The following COMMD1 variants were observed in gnomAD, a reference collection of about 807,000 sequenced individuals.
COMMD1 encodes the protein copper metabolism domain containing 1.
Under a neutral mutation model 17.2 loss-of-function variants are expected in COMMD1, and 10 were observed. That is an observed-to-expected ratio of 0.58 (90% CI 0.36 to 0.99). COMMD1 has a LOEUF of 0.99. Ranked by LOEUF, COMMD1 falls within the 50% of genes least tolerant of loss-of-function variation. The probability of loss-of-function intolerance (pLI) is 0.01; values close to 1 mark genes in which losing one functional copy is unlikely to be tolerated. For synonymous variants in COMMD1, 97 were observed against 91.6 expected (o/e 1.06, Z -0.34); for missense variants, 270 against 231.8 (o/e 1.17, Z -1.07).
chr2:62,073,272 C>T (rs1047166375), intron 2 of COMMD1, among the ~76,000 whole-genome samples: 1 of 152,176 alleles, frequency 6.6e-6, no homozygotes, highest in Non-Finnish European at 1.5e-5. Flanking sequence ...TAGGCCTTTC[C>T]TGCATCTAGG....
At chr2:61,932,543 A>G (rs1670496951) in intron 1 of COMMD1, among the ~76,000 whole-genome samples, 1 of 152,314 alleles carries the variant, frequency 6.6e-6, no homozygotes, top group South Asian at 2.1e-4. Context: ...AATAAGTGCT[A>G]TGGTTTGAGT....
chr2:61,947,419 AT>A (rs1297455983), intron 1 of COMMD1, among the ~76,000 whole-genome samples: 1 of 152,106 alleles, frequency 6.6e-6, no homozygotes, highest in Non-Finnish European at 1.5e-5. Context: ...GCGGTGGCTT[AT>A]GCCTGTAATC....
At chr2:61,921,346 C>T (rs1309597881) in intron 1 of COMMD1, among the ~76,000 whole-genome samples, 1 of 152,106 alleles carries the variant, frequency 6.6e-6, no homozygotes, top group Non-Finnish European at 1.5e-5. Flanking sequence ...GTGTTAAATT[C>T]TTGGCTTTAG....
At chr2:61,908,859 G>A (rs1471292242) in intron 1 of COMMD1, among the ~76,000 whole-genome samples, 1 of 152,134 alleles carries the variant, frequency 6.6e-6, no homozygotes, top group Non-Finnish European at 1.5e-5. Context: ...GAGCCACTGA[G>A]CCCTGCCAAA....
At chr2:61,908,741 TG>T (rs1669834563) in intron 1 of COMMD1, among the ~76,000 whole-genome samples, 1 of 151,132 alleles carries the variant, frequency 6.6e-6, no homozygotes, top group Admixed American at 6.6e-5. Context: ...TTTGTTTTTT[TG>T]TTTTTCAGTA....
chr2:61,935,615 G>C (rs1670587680), intron 1 of COMMD1, among the ~76,000 whole-genome samples: 3 of 151,278 alleles, frequency 2.0e-5, no homozygotes, highest in Non-Finnish European at 1.5e-5. Context: ...CTGGGCGACA[G>C]AGCAAGACTC....
At position 62,004,127 on chromosome 2, in the gene COMMD1, C is replaced by T. The variant is rs566122537; in HGVS notation, c.462+3145C>T. The stretch of plus-strand genomic sequence containing the variant: ...TTGGTGACAGAGTGAGACTGTGTCT[C>T]AGAAAAAAAGAAAAAGAAAAAGAAA... On this transcript the variant is annotated intron_variant, in intron 2 of 2. Transcript: ENST00000311832. Among the ~76,000 whole-genome samples, 78 of 148,824 alleles carry T rather than the reference C, an allele frequency of 5.2e-4. 1 individual carries two copies. Among genetic ancestry groups the T allele is most frequent in the African/African-American group, 1.8e-3 (74 of 40,312 alleles).
Position 61,900,602 on chromosome 2 carries a change from T to C in COMMD1, n.119+11760T>C, listed in dbSNP as rs190024234. Among the ~76,000 whole-genome samples the C allele has an allele frequency of 2.6e-5, 4 of 152,306 alleles. No individual in the cohort carries two copies. The East Asian group carries it at 7.7e-4, about 29-fold the overall frequency. On this transcript the variant is annotated intron_variant and non_coding_transcript_variant, in intron 1 of 2. Coordinates refer to the COMMD1 transcript ENST00000472729. Reference sequence around the variant, plus strand: ...TGTCTAAACTCTAAAAGGGAGGAAGTAGAAGGATGAATGTCTGATCTCTTC... The same window carrying C: ...TGTCTAAACTCTAAAAGGGAGGAAGCAGAAGGATGAATGTCTGATCTCTTC...
intron 1 of COMMD1, among the ~76,000 whole-genome samples, chr2:61,891,133 G>A (rs554767603): frequency 1.3e-5 from 2 of 152,260 alleles, no homozygotes; most frequent in East Asian, 3.9e-4. Context: ...AAATAGGAGG[G>A]TTGAACTAGA....
At chr2:62,010,599 T>C (rs1395998357) in intron 2 of COMMD1, among the ~76,000 whole-genome samples, 1 of 152,202 alleles carries the variant, frequency 6.6e-6, no homozygotes, top group Non-Finnish European at 1.5e-5. Flanking sequence ...ACTAAGTTCC[T>C]CATATATCTC....
At chr2:61,999,417 T>C (rs888627082) in intron 1 of COMMD1, among the ~76,000 whole-genome samples, 1 of 152,218 alleles carries the variant, frequency 6.6e-6, no homozygotes, top group Non-Finnish European at 1.5e-5. Context: ...GCTGTTTGGC[T>C]GAAGATGGGC....
At chr2:61,959,406 C>T (rs997558312) in intron 1 of COMMD1, among the ~76,000 whole-genome samples, 5 of 152,000 alleles carry the variant, frequency 3.3e-5, no homozygotes, top group African/African-American at 1.2e-4. Context: ...GGAAATAATA[C>T]GTGAGTAACA....
At chr2:61,935,964 A>G (rs1203166188) in intron 1 of COMMD1, among the ~76,000 whole-genome samples, 3 of 151,912 alleles carry the variant, frequency 2.0e-5, no homozygotes, top group African/African-American at 7.2e-5. Flanking sequence ...TTACAGGTGC[A>G]TGCCACCATA....
In COMMD1 at chr2:61,993,532, T is replaced by C. The variant is rs1345178307; in HGVS notation, c.181-7169T>C. Among the ~76,000 whole-genome samples the C allele has an allele frequency of 3.3e-5, 5 of 152,354 alleles. No individual in the cohort carries two copies. The East Asian group carries it at 9.6e-4, about 29-fold the overall frequency. On this transcript the variant is annotated intron_variant, in intron 1 of 2. Transcript: ENST00000311832. ...TTAAAATTGTACTTCAGGATTCTAA[T>C]GTGCAGCCAGTGTTGAAAACCACTG...
intron 1 of COMMD1, among the ~76,000 whole-genome samples, chr2:61,894,724 G>A (rs997402183): frequency 6.7e-6 from 1 of 150,298 alleles, no homozygotes; most frequent in Non-Finnish European, 1.5e-5. Flanking sequence ...TTTTGAGATG[G>A]AGTCTCACTC....
At chr2:61,926,327 T>A (rs1187498523) in intron 1 of COMMD1, among the ~76,000 whole-genome samples, 1 of 152,182 alleles carries the variant, frequency 6.6e-6, no homozygotes, top group Non-Finnish European at 1.5e-5. Context: ...ACAAGTAAGA[T>A]TGTCCCCTTT....
intron 1 of COMMD1, among the ~76,000 whole-genome samples, chr2:61,896,024 T>C (rs1219640845): frequency 1.3e-5 from 2 of 152,138 alleles, no homozygotes; most frequent in Admixed American, 6.5e-5. Flanking sequence ...AGGGACCCAA[T>C]AGGAGAAGGC....
chr2:62,050,515 AAAACATTCTCCTTTAT>A (rs1174497163), intron 2 of COMMD1, among the ~76,000 whole-genome samples: 4 of 152,206 alleles, frequency 2.6e-5, no homozygotes, highest in African/African-American at 9.6e-5. Flanking sequence ...AAAGGGAAGA[AAAACATTCTCCTTTAT>A]AGTTTTCTCA....
At chr2:61,969,317 AT>A (rs2103718378) in intron 1 of COMMD1, among the ~76,000 whole-genome samples, 1 of 152,136 alleles carries the variant, frequency 6.6e-6, no homozygotes, top group Admixed American at 6.5e-5. Context: ...ATAAATTTAT[AT>A]TTTTCGAGGA....
Sources: allele counts gnomAD v4.1 joint callset (sites outside exome capture counted in the v4.1 genomes callset), GRCh38; gene constraint gnomAD v4.1.1; transcripts MANE v1.5; gene names NCBI Gene and HGNC (gene_info 2026-07-23, HGNC 2026-07-21).